Variants in TRPC7 observed in about 807,000 individuals in gnomAD.
TRPC7 encodes short transient receptor potential channel 7.
Under a neutral mutation model 90.1 loss-of-function variants are expected in TRPC7, and 42 were observed. That is an observed-to-expected ratio of 0.47 (90% CI 0.36 to 0.60). The LOEUF (loss-of-function observed/expected upper bound fraction) is 0.60. Ranked by LOEUF, TRPC7 falls within the 20% of genes least tolerant of loss-of-function variation. The probability of loss-of-function intolerance (pLI) is 0.00; values close to 1 mark genes in which losing one functional copy is unlikely to be tolerated. For missense variants in TRPC7, 955 were observed against 1,112.3 expected (o/e 0.86, Z 2.01); for synonymous variants, 451 against 436.3 (o/e 1.03, Z -0.42).
At chr5:136,335,633 G>A (rs1440006820) in intron 2 of TRPC7, among the ~76,000 whole-genome samples, 1 of 151,922 alleles carries the variant, frequency 6.6e-6, no homozygotes, top group East Asian at 1.9e-4. Flanking sequence ...GCCAGGCGCG[G>A]TGGCTCACGC....
chr5:136,228,779 G>A (rs966053518), intron 8 of TRPC7, among the ~76,000 whole-genome samples: 1 of 152,190 alleles, frequency 6.6e-6, no homozygotes, highest in Non-Finnish European at 1.5e-5. Flanking sequence ...GATCATGAAC[G>A]CCTGGCATTT....
intron 4 of TRPC7, among the ~76,000 whole-genome samples, chr5:136,271,225 G>A (rs1236408827): frequency 1.3e-5 from 2 of 152,164 alleles, no homozygotes; most frequent in Non-Finnish European, 1.5e-5. Flanking sequence ...AAAGATATAA[G>A]GTTGGATTCT....
intron 2 of TRPC7, among the ~76,000 whole-genome samples, chr5:136,323,995 T>G (rs1759273849): frequency 6.6e-6 from 1 of 152,212 alleles, no homozygotes; most frequent in South Asian, 2.1e-4. Flanking sequence ...ATTTCATTCA[T>G]GTTTTATAGT....
chr5:136,285,891 C>CA lies in TRPC7; in HGVS notation c.964-11055dup, dbSNP rs531626257. ...CAAGGCCTTCCTTGACAACCCTGCC[C>CA]AAAGTAGAAAGCTTCCTTGTGTCCC... On this transcript the variant is annotated intron_variant, in intron 3 of 11. Transcript: ENST00000513104. Among the ~76,000 whole-genome samples, 240 of 152,310 alleles carry CA rather than the reference C, an allele frequency of 1.6e-3. 1 individual carries two copies. Among genetic ancestry groups the CA allele is most frequent in the African/African-American group, 5.6e-3 (232 of 41,564 alleles).
intron 2 of TRPC7, among the ~76,000 whole-genome samples, chr5:136,338,648 G>A (rs1227383386): frequency 6.6e-6 from 1 of 152,216 alleles, no homozygotes; most frequent in Non-Finnish European, 1.5e-5. Context: ...AAAAGAAAGA[G>A]AGGCACACTT....
chr5:136,349,337 G>A (rs12515628), intron 2 of TRPC7, among the ~76,000 whole-genome samples: 46,413 of 152,044 alleles, frequency 0.31, 7,871 homozygotes, highest in Admixed American at 0.42. Context: ...TATGGGAATG[G>A]GAAGCTTAAC....
chr5:136,213,233 A>C lies in TRPC7; in HGVS notation c.*202T>G. The C allele has an allele frequency of 1.7e-6, 1 of 585,928 alleles. No homozygotes were observed. The highest frequency in any genetic ancestry group is 3.2e-5 in the Admixed American group (1 of 31,210). 36.3% of individuals were successfully genotyped at this position (585,928 alleles called of 1,614,324 possible). A position where few individuals can be genotyped will look rare whatever the true frequency, so the allele number is the denominator to read the frequency against. The stretch of plus-strand genomic sequence containing the variant: ...CTCCCATGGTAGCTTTTCTTACCCA[A>C]CCACCTAGATTCACAGCAGTTCTGG... On this transcript the variant is annotated 3_prime_UTR_variant, in exon 12 of 12. Transcript: ENST00000513104.
At position 136,231,509 on chromosome 5, in the gene TRPC7, C is replaced by T. The variant is rs369259457; in HGVS notation, c.1885G>A (p.Gly629Ser). ...ACCACTGAGATTACTTCAGATAAGC[C>T]GAATATGGACCAAAACAAAGTTTTA... ...SFKTLFWSIF[G>S]LSEVISVVLK... Residue 629 changes from glycine (G) to serine (S), a missense_variant, in exon 8 of 12, where the codon GGC becomes AGC. This residue lies in a region of TRPC7 where 296 missense variants were observed against 422.7 expected (regional missense o/e 0.70). Transcript: ENST00000513104. The T allele has an allele frequency of 4.4e-6, 7 of 1,609,000 alleles. No homozygotes were observed. Among genetic ancestry groups the T allele is most frequent in the South Asian group, 3.3e-5 (3 of 90,226 alleles).
intron 2 of TRPC7, among the ~76,000 whole-genome samples, chr5:136,338,470 C>G (rs920394199): frequency 2.6e-5 from 4 of 152,192 alleles, no homozygotes; most frequent in Admixed American, 2.6e-4. Context: ...TACCACATCA[C>G]CTGATCCACT....
chr5:136,304,413 C>A (rs1168667868), intron 3 of TRPC7, among the ~76,000 whole-genome samples: 1 of 152,086 alleles, frequency 6.6e-6, no homozygotes, highest in Non-Finnish European at 1.5e-5. Context: ...TTTACCTGTC[C>A]TAAAACGAGA....
intron 7 of TRPC7, among the ~76,000 whole-genome samples, chr5:136,243,479 A>G (rs756107318): frequency 2.0e-5 from 3 of 152,088 alleles, no homozygotes; most frequent in Non-Finnish European, 4.4e-5. Context: ...AAAATTCCAC[A>G]GAGAACAGGC....
intron 3 of TRPC7, among the ~76,000 whole-genome samples, chr5:136,310,323 CA>C (rs546718859): frequency 1.3e-3 from 181 of 135,928 alleles, no homozygotes; most frequent in Non-Finnish European, 1.5e-3. Flanking sequence ...GAATAAAAAT[CA>C]TAGGGGAATT....
rs558052279 is a variant in TRPC7 at position 136,249,620 on chromosome 5, T to C, written c.1580-1885A>G. On this transcript the variant is annotated intron_variant, in intron 6 of 11. Transcript: ENST00000513104. ...CTCTTATAATCTACTCAGATAGATT[T>C]AGCTGTTGTCAGATCCTGGTGACTA... 3.9e-5 allele frequency among the ~76,000 whole-genome samples: 6 copies of C among 152,334 alleles called. No homozygotes were observed. In the South Asian group the frequency reaches 1.2e-3, roughly 32 times the overall value.
intron 2 of TRPC7, among the ~76,000 whole-genome samples, chr5:136,331,161 G>T (rs183895208): frequency 6.6e-6 from 1 of 152,088 alleles, no homozygotes; most frequent in African/African-American, 2.4e-5. Flanking sequence ...ATTTTCTGGG[G>T]TGTCTTTGCC....
chr5:136,273,332 A>G (rs1304375215), intron 4 of TRPC7, among the ~76,000 whole-genome samples: 3 of 152,186 alleles, frequency 2.0e-5, no homozygotes, highest in Admixed American at 6.5e-5. Flanking sequence ...ACAGAAAAAA[A>G]TTGCCTTTAC....
At chr5:136,274,543 G>T in intron 4 of TRPC7, 130 bp downstream of exon 4, 2 of 1,001,462 alleles carry the variant, frequency 2.0e-6, no homozygotes, top group Non-Finnish European at 2.6e-6. Context: ...ACTTTCACCG[G>T]GTATCTCAGG....
chr5:136,285,641 C>T (rs1271575084), intron 3 of TRPC7, among the ~76,000 whole-genome samples: 1 of 152,170 alleles, frequency 6.6e-6, no homozygotes, highest in African/African-American at 2.4e-5. Flanking sequence ...AAAGACACTA[C>T]CCTCAGACTC....
At chr5:136,280,478 CCCT>C (rs1757514343) in intron 3 of TRPC7, among the ~76,000 whole-genome samples, 1 of 152,194 alleles carries the variant, frequency 6.6e-6, no homozygotes, top group African/African-American at 2.4e-5. Flanking sequence ...GTTTTGAATC[CCCT>C]AAGATTTTCT....
chr5:136,302,460 G>A (rs995771071), intron 3 of TRPC7, among the ~76,000 whole-genome samples: 9 of 151,876 alleles, frequency 5.9e-5, no homozygotes, highest in Non-Finnish European at 1.2e-4. Context: ...TCCATGCCCC[G>A]ACCCCTTTCC....
Sources: allele counts gnomAD v4.1 joint callset (sites outside exome capture counted in the v4.1 genomes callset), GRCh38; gene constraint gnomAD v4.1.1; regional missense constraint gnomAD v4.1.1; transcripts MANE v1.5; gene names NCBI Gene and HGNC (gene_info 2026-07-23, HGNC 2026-07-21).